The following ARHGAP24 variants were observed in gnomAD, a reference collection of about 807,000 sequenced individuals.
ARHGAP24 encodes rho GTPase-activating protein 24.
In ARHGAP24, 50 loss-of-function variants were observed where a neutral mutation model predicts 76.4. The ratio of observed to expected loss-of-function variants is 0.65; its 90% CI spans 0.52 to 0.83. ARHGAP24 has a LOEUF of 0.83. Among genes scored for constraint, ARHGAP24 ranks in the 40% least tolerant of loss-of-function variants. ARHGAP24 has a pLI of 0.00. For synonymous variants in ARHGAP24, 345 were observed against 323.3 expected (o/e 1.07, Z -0.72); for missense variants, 930 against 914.2 (o/e 1.02, Z -0.22).
intron 3 of ARHGAP24, among the ~76,000 whole-genome samples, chr4:85,723,900 ATCAATAT>A (rs746710435): frequency 6.6e-6 from 1 of 152,184 alleles, no homozygotes; most frequent in Non-Finnish European, 1.5e-5. Context: ...GGTTATTTTC[ATCAATAT>A]TTGCATTATT....
chr4:85,518,531 C>T (rs1724608057), intron 1 of ARHGAP24, among the ~76,000 whole-genome samples: 1 of 151,994 alleles, frequency 6.6e-6, no homozygotes, highest in Non-Finnish European at 1.5e-5. Flanking sequence ...CATTCTTCCC[C>T]CCAAGTTTCC....
At chr4:85,707,363 G>T (rs989015169) in intron 2 of ARHGAP24, among the ~76,000 whole-genome samples, 13 of 152,124 alleles carry the variant, frequency 8.5e-5, no homozygotes. Context: ...CCAGAGAAAT[G>T]TTTGAATGCG....
At chr4:85,682,885 G>A (rs554488865) in intron 2 of ARHGAP24, among the ~76,000 whole-genome samples, 9 of 152,092 alleles carry the variant, frequency 5.9e-5, no homozygotes, top group Admixed American at 3.9e-4. Context: ...TACCTCATGC[G>A]TCTCCAATAT....
intron 2 of ARHGAP24, among the ~76,000 whole-genome samples, chr4:85,646,307 A>G (rs1294848542): frequency 6.6e-6 from 1 of 152,076 alleles, no homozygotes. Flanking sequence ...TGTTAAAGAA[A>G]TATGCCATCA....
At chr4:85,476,039 A>C (rs1722584110) in intron 1 of ARHGAP24, among the ~76,000 whole-genome samples, 1 of 145,522 alleles carries the variant, frequency 6.9e-6, no homozygotes, top group Non-Finnish European at 1.5e-5. Flanking sequence ...TATGTATAAA[A>C]TATGTTTTAA....
intron 2 of ARHGAP24, among the ~76,000 whole-genome samples, chr4:85,603,663 G>A (rs1720104766): frequency 6.6e-6 from 1 of 152,130 alleles, no homozygotes; most frequent in Non-Finnish European, 1.5e-5. Context: ...AAAACTTGAT[G>A]TAAATATAGC....
chr4:85,652,666 A>G (rs1399053065), intron 2 of ARHGAP24, among the ~76,000 whole-genome samples: 2 of 152,144 alleles, frequency 1.3e-5, no homozygotes, highest in African/African-American at 2.4e-5. Context: ...CCTCTAATCA[A>G]TGATATAATA....
chr4:85,962,142 C>G (rs1738296795), intron 5 of ARHGAP24, among the ~76,000 whole-genome samples: 1 of 151,942 alleles, frequency 6.6e-6, no homozygotes, highest in African/African-American at 2.4e-5. Flanking sequence ...CCGACTGAAG[C>G]AAGAAAGGGC....
At chr4:85,846,836 A>C (rs915163586) in intron 3 of ARHGAP24, among the ~76,000 whole-genome samples, 3 of 152,236 alleles carry the variant, frequency 2.0e-5, no homozygotes, top group Non-Finnish European at 4.4e-5. Context: ...TTATGGGACC[A>C]CTTTTAGACT....
At position 85,995,072 on chromosome 4, in the gene ARHGAP24, G is replaced by A. The variant is rs115134211; in HGVS notation, c.1418G>A (p.Gly473Asp). ...CTGAAGGTATCTGGTACCAAAATGGGCACGCACAGTGTACAGAATGGAACG... is the reference window on the plus strand; with the variant it reads ...CTGAAGGTATCTGGTACCAAAATGGACACGCACAGTGTACAGAATGGAACG... Reference protein sequence around the residue: ...SSLKVSGTKMGTHSVQNGTVR... With the variant: ...SSLKVSGTKMDTHSVQNGTVR... The change falls in exon 9 of 10, where the codon GGC becomes GAC. Residue 473 changes from glycine to aspartate, a missense_variant. Coordinates refer to ENST00000395184, the MANE Select transcript of ARHGAP24 (RefSeq NM_001025616.3). The A allele has an allele frequency of 4.3e-6, 7 of 1,613,918 alleles. No individual in the cohort carries two copies. Among genetic ancestry groups the A allele is most frequent in the African/African-American group, 4.0e-5 (3 of 74,882 alleles).
intron 3 of ARHGAP24, among the ~76,000 whole-genome samples, chr4:85,829,255 A>G (rs1729871760): frequency 6.6e-6 from 1 of 152,218 alleles, no homozygotes; most frequent in Non-Finnish European, 1.5e-5. Flanking sequence ...AGACTTTAAA[A>G]ACTAATGAAG....
At chr4:85,842,980 A>G (rs1730690156) in intron 3 of ARHGAP24, among the ~76,000 whole-genome samples, 1 of 152,228 alleles carries the variant, frequency 6.6e-6, no homozygotes, top group Middle Eastern at 3.2e-3. Context: ...TTCTGACTCA[A>G]AGGGCAGTCA....
At chr4:85,874,646 G>A (rs970948317) in intron 3 of ARHGAP24, among the ~76,000 whole-genome samples, 1 of 150,650 alleles carries the variant, frequency 6.6e-6, no homozygotes, top group Non-Finnish European at 1.5e-5. Context: ...ACGATTACAA[G>A]GTGAGGAAGT....
Position 85,645,686 on chromosome 4 carries a change from A to G in ARHGAP24, c.180+74965A>G, listed in dbSNP as rs1253688804. On this transcript the variant is annotated intron_variant, in intron 2 of 9. Coordinates refer to ENST00000395184, the MANE Select transcript of ARHGAP24 (RefSeq NM_001025616.3). Reference sequence around the variant, plus strand: ...ATTTTAACCGTAAAAAGAAGCACATATTGGAAGGAAAACTGACTTCCAATA... The same window carrying G: ...ATTTTAACCGTAAAAAGAAGCACATGTTGGAAGGAAAACTGACTTCCAATA... 2.6e-5 allele frequency among the ~76,000 whole-genome samples: 4 copies of G among 152,218 alleles called. No individual in the cohort carries two copies. The South Asian group carries it at 8.3e-4, about 32-fold the overall frequency.
In ARHGAP24 at chr4:85,915,464, G is replaced by A. The variant is rs144994381; in HGVS notation, c.269-8184G>A. Among the ~76,000 whole-genome samples the A allele has an allele frequency of 8.5e-3, 1,300 of 152,054 alleles. 28 individuals carry two copies. The highest frequency in any genetic ancestry group is 0.06 in the East Asian group (311 of 5,172). On this transcript the variant is annotated intron_variant, in intron 3 of 9. Coordinates refer to ENST00000395184, the MANE Select transcript of ARHGAP24 (RefSeq NM_001025616.3). ...ACTTTAAGTTATGGGATACATGTGC[G>A]GAATGTGCAGGTTTGTTACATAGGT...
intron 3 of ARHGAP24, among the ~76,000 whole-genome samples, chr4:85,882,543 T>A (rs1733318262): frequency 6.6e-6 from 1 of 152,156 alleles, no homozygotes; most frequent in African/African-American, 2.4e-5. Flanking sequence ...GTTCCCTAGT[T>A]TTTGATTTAC....
chr4:85,617,758 A>G (rs1414874732), intron 2 of ARHGAP24, among the ~76,000 whole-genome samples: 1 of 152,162 alleles, frequency 6.6e-6, no homozygotes. Flanking sequence ...ATTATGGTAG[A>G]TATTTGTGAA....
At chr4:85,535,171 A>G (rs186720235) in intron 1 of ARHGAP24, among the ~76,000 whole-genome samples, 2 of 152,178 alleles carry the variant, frequency 1.3e-5, no homozygotes, top group Admixed American at 1.3e-4. Context: ...CTATTCATTT[A>G]TTTATAGTTT....
At position 85,913,558 on chromosome 4, in the gene ARHGAP24, T is replaced by C. The variant is rs974600577; in HGVS notation, c.269-10090T>C. ...GTCCCTGTCTTTAAATATCATCTCA[T>C]TGGTGACTTCCAAATGTATGCCTTT... On this transcript the variant is annotated intron_variant, in intron 3 of 9. Transcript: ENST00000395184. 5.3e-5 allele frequency among the ~76,000 whole-genome samples: 8 copies of C among 152,100 alleles called. No individual in the cohort carries two copies. The South Asian group carries it at 1.7e-3, about 32-fold the overall frequency.
Sources: allele counts gnomAD v4.1 joint callset (sites outside exome capture counted in the v4.1 genomes callset), GRCh38; gene constraint gnomAD v4.1.1; transcripts MANE v1.5; gene names NCBI Gene and HGNC (gene_info 2026-07-23, HGNC 2026-07-21).